The following CERS6 variants were observed in gnomAD, a reference collection of about 807,000 sequenced individuals.
CERS6 encodes LAG1 homolog, ceramide synthase 6.
In CERS6, 26 loss-of-function variants were observed where a neutral mutation model predicts 56.8. The ratio of observed to expected loss-of-function variants is 0.46; its 90% CI spans 0.34 to 0.63. The LOEUF (loss-of-function observed/expected upper bound fraction) is 0.63, where lower values mean the gene tolerates loss of function less well. CERS6 is among the 30% of genes least tolerant of loss of function. CERS6 has a pLI of 0.01. For synonymous variants in CERS6, 164 were observed against 173.3 expected (o/e 0.95, Z 0.42); for missense variants, 415 against 467.5 (o/e 0.89, Z 1.04).
intron 3 of CERS6, among the ~76,000 whole-genome samples, chr2:168,576,762 A>G (rs913861603): frequency 2.6e-5 from 4 of 152,186 alleles, no homozygotes; most frequent in African/African-American, 9.7e-5. Flanking sequence ...ATACATACAC[A>G]TATGTTTTTC....
chr2:168,568,997 G>A (rs1228208670), intron 3 of CERS6, among the ~76,000 whole-genome samples: 4 of 152,180 alleles, frequency 2.6e-5, no homozygotes, highest in African/African-American at 7.2e-5. Context: ...AATAAATACG[G>A]CACTTGACCT....
intron 2 of CERS6, among the ~76,000 whole-genome samples, chr2:168,550,805 T>G (rs1235047126): frequency 2.0e-5 from 3 of 152,142 alleles, no homozygotes; most frequent in Non-Finnish European, 1.5e-5. Context: ...GCCCACCACA[T>G]GCACTGGGGT....
Position 168,765,667 on chromosome 2 carries a change from G to A in CERS6, c.921G>A (p.Leu307=). 1 of 1,614,074 alleles carries A rather than the reference G, an allele frequency of 6.2e-7. No homozygotes were observed. Among genetic ancestry groups the A allele is most frequent in the Non-Finnish European group, 8.5e-7 (1 of 1,179,928 alleles). Residue 307 remains leucine (L), a synonymous_variant, in exon 9 of 10, where the codon CTG becomes CTA. Coordinates refer to ENST00000305747, the MANE Select transcript of CERS6 (RefSeq NM_203463.3). ...CTTCCTGGTGGGTTTTTAACCTACT[G>A]CTATTGCTAGTACAAGGGTTGAACT... ...PYPSWWVFNL[L]LLLVQGLNCF...
intron 1 of CERS6, among the ~76,000 whole-genome samples, chr2:168,490,686 T>C (rs1694353990): frequency 6.6e-6 from 1 of 152,106 alleles, no homozygotes; most frequent in Non-Finnish European, 1.5e-5. Context: ...GGCACTCAGC[T>C]CTTTTTGTGG....
At chr2:168,565,755 A>T (rs543189497) in intron 3 of CERS6, among the ~76,000 whole-genome samples, 1 of 152,196 alleles carries the variant, frequency 6.6e-6, no homozygotes, top group Non-Finnish European at 1.5e-5. Flanking sequence ...GCTTGAAGTC[A>T]GTCATTCACA....
At chr2:168,527,023 C>T (rs1695083750) in intron 1 of CERS6, among the ~76,000 whole-genome samples, 1 of 152,192 alleles carries the variant, frequency 6.6e-6, no homozygotes, top group African/African-American at 2.4e-5. Context: ...TTGTTTGTGA[C>T]ACTGGGGCTG....
chr2:168,624,725 A>C (rs1309896660), intron 3 of CERS6, among the ~76,000 whole-genome samples: 1 of 152,220 alleles, frequency 6.6e-6, no homozygotes, highest in African/African-American at 2.4e-5. Flanking sequence ...GGAATGTGTC[A>C]CATATAATAC....
chr2:168,615,044 C>T (rs549512999), intron 3 of CERS6, among the ~76,000 whole-genome samples: 2 of 152,224 alleles, frequency 1.3e-5, no homozygotes, highest in Admixed American at 1.3e-4. Context: ...ATCACAGGAC[C>T]CAGTGTAGAC....
At chr2:168,634,122 T>C (rs1308480200) in intron 4 of CERS6, among the ~76,000 whole-genome samples, 1 of 152,218 alleles carries the variant, frequency 6.6e-6, no homozygotes, top group Non-Finnish European at 1.5e-5. Context: ...AGAACAACCT[T>C]ACAGACATGT....
Position 168,622,060 on chromosome 2 carries a change from G to A in CERS6, c.408-8925G>A, listed in dbSNP as rs148158715. Reference sequence around the variant, plus strand: ...TTACAGTACAGAGAAAATGTAACAAGCACAGAGACTAATACAATAAAAACC... The same window carrying A: ...TTACAGTACAGAGAAAATGTAACAAACACAGAGACTAATACAATAAAAACC... On this transcript the variant is annotated intron_variant, in intron 3 of 9. Coordinates refer to ENST00000305747, the MANE Select transcript of CERS6 (RefSeq NM_203463.3). Among the ~76,000 whole-genome samples, 147 of 152,244 alleles carry A rather than the reference G, an allele frequency of 9.7e-4. 1 individual carries two copies. Among genetic ancestry groups the A allele is most frequent in the African/African-American group, 3.4e-3 (142 of 41,540 alleles).
chr2:168,570,172 G>A (rs1372166504), intron 3 of CERS6, among the ~76,000 whole-genome samples: 2 of 152,164 alleles, frequency 1.3e-5, no homozygotes, highest in Non-Finnish European at 2.9e-5. Context: ...CTCTGATTCT[G>A]TGGAACCCTA....
At chr2:168,725,067 G>A (rs565743443) in intron 8 of CERS6, among the ~76,000 whole-genome samples, 4 of 152,372 alleles carry the variant, frequency 2.6e-5, no homozygotes, top group African/African-American at 4.8e-5. Context: ...AAGGCCCAGC[G>A]AGAAATCGAG....
intron 3 of CERS6, chr2:168,583,148 C>G (rs1252955762): frequency 6.6e-6 from 1 of 152,296 alleles, no homozygotes; most frequent in Non-Finnish European, 1.5e-5. Flanking sequence ...GAAAATCGCT[C>G]TTATAGGACA....
intron 3 of CERS6, among the ~76,000 whole-genome samples, chr2:168,581,424 G>A (rs539176468): frequency 2.2e-4 from 34 of 152,222 alleles, no homozygotes; most frequent in Non-Finnish European, 4.1e-4. Context: ...ACAGTTAAAT[G>A]TATTTTAGAT....
intron 4 of CERS6, among the ~76,000 whole-genome samples, chr2:168,636,751 C>G (rs1684868634): frequency 6.6e-6 from 1 of 152,196 alleles, no homozygotes. Context: ...TACCCTCTTG[C>G]ATATGTTCTG....
chr2:168,679,741 G>A (rs1258612915), intron 4 of CERS6, among the ~76,000 whole-genome samples: 1 of 152,192 alleles, frequency 6.6e-6, no homozygotes, highest in Admixed American at 6.5e-5. Context: ...TGAGGTTTAC[G>A]ATGAGCATCT....
chr2:168,691,231 T>A, intron 5 of CERS6, 147 bp downstream of exon 5: 1 of 698,856 alleles, frequency 1.4e-6, no homozygotes, highest in Non-Finnish European at 2.5e-6. Flanking sequence ...CATAATCTAG[T>A]GAGGATAGTA....
chr2:168,546,108 T>C (rs1489589448), intron 1 of CERS6, among the ~76,000 whole-genome samples: 5 of 152,172 alleles, frequency 3.3e-5, no homozygotes, highest in African/African-American at 1.2e-4. Flanking sequence ...AGTTCTAGAC[T>C]CTGTCTTGTG....
chr2:168,689,252 TGAG>T (rs1686437062), intron 4 of CERS6, among the ~76,000 whole-genome samples: 4 of 152,160 alleles, frequency 2.6e-5, no homozygotes. Context: ...GACTTTCAGT[TGAG>T]GAGATAATCA....
Sources: gnomAD v4.1 joint callset for allele counts (sites outside exome capture counted in the v4.1 genomes callset) on GRCh38, gnomAD v4.1.1 for gene constraint, MANE v1.5 for transcripts, NCBI Gene and HGNC (gene_info 2026-07-23, HGNC 2026-07-21) for gene names.